Variants in NR3C2 observed in about 807,000 individuals in gnomAD.
The protein encoded by NR3C2 is mineralocorticoid receptor.
A neutral mutation model predicts 86.4 loss-of-function variants in NR3C2; 15 were observed. The ratio of observed to expected loss-of-function variants is 0.17; its 90% CI spans 0.12 to 0.27. The LOEUF is 0.27. NR3C2 is among the 10% of genes least tolerant of loss of function. The pLI, the probability that NR3C2 is intolerant of heterozygous loss-of-function variation, is 1.00. For missense variants in NR3C2, 960 were observed against 1,195.6 expected (o/e 0.80, Z 2.91); for synonymous variants, 458 against 450.5 (o/e 1.02, Z -0.21).
At chr4:148,088,306 G>GT (rs1275365443) in intron 8 of NR3C2, among the ~76,000 whole-genome samples, 1 of 152,212 alleles carries the variant, frequency 6.6e-6, no homozygotes, top group East Asian at 1.9e-4. Flanking sequence ...AGACAGTGTG[G>GT]TGATTCCTCA....
intron 7 of NR3C2, among the ~76,000 whole-genome samples, chr4:148,118,891 C>T (rs970796304): frequency 6.6e-6 from 1 of 152,150 alleles, no homozygotes; most frequent in Admixed American, 6.5e-5. Flanking sequence ...TACTACCAGT[C>T]ATGGTAATAC....
At chr4:148,325,560 C>G (rs1743921380) in intron 2 of NR3C2, among the ~76,000 whole-genome samples, 1 of 152,154 alleles carries the variant, frequency 6.6e-6, no homozygotes, top group African/African-American at 2.4e-5. Context: ...AGTATTCTCT[C>G]CTGACAGTAG....
chr4:148,368,115 C>T (rs532150967), intron 2 of NR3C2: 2 of 152,258 alleles, frequency 1.3e-5, no homozygotes, highest in South Asian at 4.2e-4. Flanking sequence ...AGATGCATCA[C>T]TTCATCACTT....
Position 148,261,477 on chromosome 4 carries a change from G to A in NR3C2, c.1758-1360C>T, listed in dbSNP as rs564136527. ...TATGGTGCACTATGGTAAGCACTAT[G>A]GTGCAGGGTAACGGGGGCAGCACAC... On this transcript the variant is annotated intron_variant, in intron 2 of 8. Coordinates refer to ENST00000358102, the MANE Select transcript of NR3C2 (RefSeq NM_000901.5). 5.3e-5 allele frequency among the ~76,000 whole-genome samples: 8 copies of A among 152,328 alleles called. No homozygotes were observed. In the South Asian group the frequency reaches 1.4e-3, roughly 28 times the overall value.
intron 3 of NR3C2, among the ~76,000 whole-genome samples, chr4:148,220,619 A>T (rs1737786288): frequency 6.6e-6 from 1 of 152,144 alleles, no homozygotes; most frequent in African/African-American, 2.4e-5. Context: ...ATGCCTGGGC[A>T]ACATAGCGAG....
intron 3 of NR3C2, among the ~76,000 whole-genome samples, chr4:148,211,232 T>C (rs1737266055): frequency 6.6e-6 from 1 of 152,340 alleles, no homozygotes; most frequent in South Asian, 2.1e-4. Context: ...AGAATACTTC[T>C]AAGGCAAGTA....
intron 4 of NR3C2, among the ~76,000 whole-genome samples, chr4:148,167,727 T>C (rs557816999): frequency 7.2e-5 from 11 of 152,226 alleles, no homozygotes; most frequent in Admixed American, 7.2e-4. Flanking sequence ...CTATACCAGG[T>C]TACTTTTCTT....
intron 2 of NR3C2, among the ~76,000 whole-genome samples, chr4:148,300,588 A>ATT (rs1230657445): frequency 0.41 from 52,616 of 127,764 alleles, 12,610 homozygotes; most frequent in East Asian, 0.71. Context: ...CTTGCTACTC[A>ATT]TTTTTTTTTT....
intron 2 of NR3C2, among the ~76,000 whole-genome samples, chr4:148,429,915 A>G (rs1029108834): frequency 2.0e-5 from 3 of 152,344 alleles, no homozygotes; most frequent in Admixed American, 2.0e-4. Context: ...TTATCAGCAA[A>G]TGAACAGTAC....
intron 8 of NR3C2, among the ~76,000 whole-genome samples, chr4:148,083,915 G>A (rs1730693276): frequency 6.6e-6 from 1 of 151,992 alleles, no homozygotes; most frequent in African/African-American, 2.4e-5. Flanking sequence ...GCGGAAGAAA[G>A]AATATCAGAG....
At chr4:148,337,551 T>C (rs950553627) in intron 2 of NR3C2, among the ~76,000 whole-genome samples, 1 of 152,342 alleles carries the variant, frequency 6.6e-6, no homozygotes, top group Non-Finnish European at 1.5e-5. Context: ...GAGTTTCAAA[T>C]ATATTTAACA....
chr4:148,383,007 A>G (rs1460024255), intron 2 of NR3C2, among the ~76,000 whole-genome samples: 1 of 152,220 alleles, frequency 6.6e-6, no homozygotes, highest in East Asian at 1.9e-4. Context: ...TCCAGTTTGC[A>G]ACGATAAATA....
intron 3 of NR3C2, among the ~76,000 whole-genome samples, chr4:148,254,340 T>A (rs944734726): frequency 6.6e-5 from 10 of 152,300 alleles, no homozygotes; most frequent in African/African-American, 2.4e-4. Flanking sequence ...ACTTCACATA[T>A]GAAAGTTTAT....
At chr4:148,429,730 C>A (rs1293129507) in intron 2 of NR3C2, among the ~76,000 whole-genome samples, 1 of 152,158 alleles carries the variant, frequency 6.6e-6, no homozygotes, top group Non-Finnish European at 1.5e-5. Flanking sequence ...AGACGCTATC[C>A]ATTTAACATG....
intron 4 of NR3C2, among the ~76,000 whole-genome samples, chr4:148,156,865 T>A (rs576758981): frequency 2.6e-5 from 4 of 152,120 alleles, no homozygotes; most frequent in Non-Finnish European, 5.9e-5. Context: ...CGTATGTTTA[T>A]TGCGGCACTA....
At chr4:148,134,017 T>C (rs1195870255) in intron 6 of NR3C2, among the ~76,000 whole-genome samples, 2 of 152,212 alleles carry the variant, frequency 1.3e-5, no homozygotes, top group Non-Finnish European at 2.9e-5. Context: ...AATCAAATTA[T>C]ACCCTAGAAA....
intron 2 of NR3C2, among the ~76,000 whole-genome samples, chr4:148,384,418 T>A (rs1747161351): frequency 6.6e-6 from 1 of 152,062 alleles, no homozygotes; most frequent in Admixed American, 6.6e-5. Context: ...TTATTTTTTC[T>A]AAGAGAAAAT....
chr4:148,134,124 T>TGATGTC (rs371591024), intron 6 of NR3C2, among the ~76,000 whole-genome samples: 39 of 152,326 alleles, frequency 2.6e-4, no homozygotes, highest in African/African-American at 9.4e-4. Flanking sequence ...AAAAGAAGGG[T>TGATGTC]GATGTCCAAC....
At chr4:148,291,323 C>A (rs1049636075) in intron 2 of NR3C2, among the ~76,000 whole-genome samples, 1 of 151,898 alleles carries the variant, frequency 6.6e-6, no homozygotes, top group South Asian at 2.1e-4. Flanking sequence ...TATAAGGGAA[C>A]AAATATGAAT....
Sources: gnomAD v4.1 joint callset for allele counts (sites outside exome capture counted in the v4.1 genomes callset) on GRCh38, gnomAD v4.1.1 for gene constraint, MANE v1.5 for transcripts, NCBI Gene and HGNC (gene_info 2026-07-23, HGNC 2026-07-21) for gene names.